Variants in RANGAP1 observed in about 807,000 individuals in gnomAD.
RANGAP1 encodes the protein ran GTPase-activating protein 1.
RANGAP1 carries 38 observed loss-of-function variants against 63.5 expected under a neutral mutation model. The ratio of observed to expected loss-of-function variants is 0.60; its 90% CI spans 0.46 to 0.78. The LOEUF (loss-of-function observed/expected upper bound fraction) is 0.78. Ranked by LOEUF, RANGAP1 falls within the 30% of genes least tolerant of loss-of-function variation. RANGAP1 has a pLI of 0.00. For synonymous variants in RANGAP1, 329 were observed against 310.5 expected (o/e 1.06, Z -0.63); for missense variants, 630 against 740.3 (o/e 0.85, Z 1.73).
At chr22:41,270,850 G>A (rs988410613) in intron 3 of RANGAP1, among the ~76,000 whole-genome samples, 4 of 152,248 alleles carry the variant, frequency 2.6e-5, no homozygotes, top group African/African-American at 9.6e-5. Flanking sequence ...GCCAGGAACA[G>A]GCAGCCGGAG....
At chr22:41,283,214 A>AAG (rs2035583904) in intron 1 of RANGAP1, among the ~76,000 whole-genome samples, 3 of 111,444 alleles carry the variant, frequency 2.7e-5, no homozygotes, top group Non-Finnish European at 3.7e-5. Flanking sequence ...TAAAAAAAAA[A>AAG]GGGGGGGGTT....
At chr22:41,290,178 G>A (rs534970910), upstream of RANGAP1, among the ~76,000 whole-genome samples, 57 of 147,872 alleles carry the variant, frequency 3.9e-4, no homozygotes, top group African/African-American at 1.4e-3. Context: ...GAGAGAGAGA[G>A]AAAGAGAATA....
upstream of RANGAP1, among the ~76,000 whole-genome samples, chr22:41,289,161 C>G (rs1228728540): frequency 6.6e-6 from 1 of 151,764 alleles, no homozygotes; most frequent in Admixed American, 6.6e-5. Context: ...CCTGGTGATC[C>G]ACTTACCTCG....
the RANGAP1 span, among the ~76,000 whole-genome samples, chr22:41,295,696 TAAAAAA>T: frequency 8.2e-6 from 1 of 122,254 alleles, no homozygotes; most frequent in Non-Finnish European, 1.7e-5. Context: ...AATGATCAAT[TAAAAAA>T]AAAAAAAAAA....
At position 41,246,802 on chromosome 22, in the gene RANGAP1, T is replaced by C. The variant is rs2033067490; in HGVS notation, c.1695-130A>G. 7.1e-6 allele frequency: 6 copies of C among 839,758 alleles called. No homozygotes were observed. In the Admixed American group the frequency reaches 1.3e-4, roughly 18 times the overall value. The allele number at this position is 839,758 out of a possible 1,614,324, so 52.0% of individuals were successfully genotyped here. On this transcript the variant is annotated intron_variant, in intron 15 of 15. Transcript: ENST00000356244. ...GACTCAGCAAGAGAGACATTAGCCC[T>C]CTGCCTTCTGCACACCGTGGGTGGG...
intron 10 of RANGAP1, among the ~76,000 whole-genome samples, chr22:41,254,948 G>T (rs2033726047): frequency 6.6e-6 from 1 of 151,266 alleles, no homozygotes; most frequent in South Asian, 2.1e-4. Flanking sequence ...CTCTAGCCTG[G>T]GCAACAGAGC....
rs909070820 is a variant in RANGAP1, at chr22:41,276,846, G to A, written c.113-2119C>T. On this transcript the variant is annotated intron_variant, in intron 2 of 15. Coordinates refer to ENST00000356244, the MANE Select transcript of RANGAP1 (RefSeq NM_002883.4). The stretch of plus-strand genomic sequence containing the variant: ...AAAAATACAAAAATTAGTTGGGCAT[G>A]GTAGCGCATGCCTGTAATCCCAGCT... Among the ~76,000 whole-genome samples the A allele has an allele frequency of 1.6e-4, 25 of 151,656 alleles. 1 individual carries two copies. The highest frequency in any genetic ancestry group is 3.4e-3 in the Middle Eastern group (1 of 292).
chr22:41,287,528 T>C (rs2035782981), upstream of RANGAP1, among the ~76,000 whole-genome samples: 1 of 151,426 alleles, frequency 6.6e-6, no homozygotes, highest in Admixed American at 6.6e-5. Context: ...TAGTTGGACG[T>C]GATGGTGCAA....
upstream of RANGAP1, among the ~76,000 whole-genome samples, chr22:41,289,646 T>C (rs1243145383): frequency 2.6e-5 from 4 of 151,984 alleles, no homozygotes; most frequent in Admixed American, 2.6e-4. Flanking sequence ...CATCACTGTT[T>C]CCAAGCAACA....
chr22:41,256,573 A>G, intron 8 of RANGAP1, 138 bp downstream of exon 8: 1 of 735,384 alleles, frequency 1.4e-6, no homozygotes, highest in Non-Finnish European at 2.2e-6. Context: ...GGAGGCTCAC[A>G]CAGCATCACA....
intron 2 of RANGAP1, among the ~76,000 whole-genome samples, chr22:41,275,801 G>T (rs1346541592): frequency 6.6e-6 from 1 of 151,720 alleles, no homozygotes; most frequent in East Asian, 1.9e-4. Flanking sequence ...AAAAAATTAG[G>T]CTGGTGTGGT....
chr22:41,296,638 C>T, the RANGAP1 span, among the ~76,000 whole-genome samples: 1 of 148,736 alleles, frequency 6.7e-6, no homozygotes, highest in African/African-American at 2.5e-5. Flanking sequence ...CAGAGTGAGA[C>T]TCCATCTCCA....
intron 12 of RANGAP1, among the ~76,000 whole-genome samples, chr22:41,252,378 T>A (rs2145691240): frequency 6.6e-6 from 1 of 152,138 alleles, no homozygotes; most frequent in South Asian, 2.1e-4. Context: ...CCAAGAGGGT[T>A]AAATAAAATC....
At chr22:41,287,442 G>A (rs1368202150), upstream of RANGAP1, among the ~76,000 whole-genome samples, 1 of 146,168 alleles carries the variant, frequency 6.8e-6, no homozygotes, top group Non-Finnish European at 1.5e-5. Context: ...CCAAAGTGTT[G>A]GGATTATAGG....
intron 10 of RANGAP1, among the ~76,000 whole-genome samples, chr22:41,254,986 A>C (rs1056845593): frequency 1.3e-5 from 2 of 151,458 alleles, no homozygotes; most frequent in African/African-American, 4.9e-5. Context: ...AAAAAAACAA[A>C]AAAAAAAAAC....
chr22:41,294,919 G>C, the RANGAP1 span, among the ~76,000 whole-genome samples: 16,285 of 49,138 alleles, frequency 0.33, 3,068 homozygotes, highest in Non-Finnish European at 0.39. Context: ...CGCCCCATCC[G>C]GGAGGGAGGT....
chr22:41,301,144 A>T, the RANGAP1 span, among the ~76,000 whole-genome samples: 10 of 151,880 alleles, frequency 6.6e-5, no homozygotes, highest in African/African-American at 2.4e-4. Flanking sequence ...TGATTCTTCT[A>T]TGTGTCTCCG....
At chr22:41,290,379 A>G (rs1350767983), upstream of RANGAP1, among the ~76,000 whole-genome samples, 1 of 151,812 alleles carries the variant, frequency 6.6e-6, no homozygotes, top group Non-Finnish European at 1.5e-5. Context: ...ACAGGTTCCC[A>G]CCACCATGCC....
At chr22:41,259,053 G>A (rs559124351) in intron 6 of RANGAP1, among the ~76,000 whole-genome samples, 6 of 151,890 alleles carry the variant, frequency 4.0e-5, no homozygotes, top group African/African-American at 9.7e-5. Flanking sequence ...CCCCAGCCAC[G>A]ATCCAGTGTG....
Sources: gnomAD v4.1 joint callset for allele counts (sites outside exome capture counted in the v4.1 genomes callset) on GRCh38, gnomAD v4.1.1 for gene constraint, MANE v1.5 for transcripts, NCBI Gene and HGNC (gene_info 2026-07-23, HGNC 2026-07-21) for gene names.